EXOC1: variants seen among roughly 807,000 people sequenced by gnomAD.
EXOC1 encodes the protein SEC3-like 1.
In EXOC1, 67 loss-of-function variants were observed where a neutral mutation model predicts 107.7. That is an observed-to-expected ratio of 0.62 (90% CI 0.51 to 0.76). The LOEUF (loss-of-function observed/expected upper bound fraction) is 0.76, where lower values mean the gene tolerates loss of function less well. Ranked by LOEUF, EXOC1 falls within the 30% of genes least tolerant of loss-of-function variation. The pLI, the probability that EXOC1 is intolerant of heterozygous loss-of-function variation, is 0.00. For missense variants in EXOC1, 833 were observed against 1,055.7 expected (o/e 0.79, Z 2.92); for synonymous variants, 348 against 353.5 (o/e 0.98, Z 0.17).
At position 55,868,027 on chromosome 4, in the gene EXOC1, T is replaced by C. The variant is rs562291646; in HGVS notation, c.416-309T>C. 1.3e-4 allele frequency among the ~76,000 whole-genome samples: 20 copies of C among 152,320 alleles called. No homozygotes were observed. The South Asian group carries it at 3.9e-3, about 30-fold the overall frequency. Reference sequence around the variant, plus strand: ...ATGTTTAGGTTTGTTCCCACCTGTTTTTGTATTTTGTTTTTACATTTTAGC... The same window carrying C: ...ATGTTTAGGTTTGTTCCCACCTGTTCTTGTATTTTGTTTTTACATTTTAGC... On this transcript the variant is annotated intron_variant, in intron 4 of 18. Transcript: ENST00000381295.
At chr4:55,903,624 TA>T (rs145088532) in intron 18 of EXOC1, among the ~76,000 whole-genome samples, 6,119 of 152,278 alleles carry the variant, frequency 0.04, 179 homozygotes, top group Admixed American at 0.084. Flanking sequence ...ATGATCATAA[TA>T]CCCACCCTCA....
At chr4:55,869,223 A>T (rs1722219517) in intron 5 of EXOC1, among the ~76,000 whole-genome samples, 1 of 151,932 alleles carries the variant, frequency 6.6e-6, no homozygotes, top group Non-Finnish European at 1.5e-5. Context: ...AAAATTAGCC[A>T]GACATGGTGG....
rs536967858 is a variant in EXOC1, at chr4:55,894,204, A to G, written c.1953+424A>G. ...GCCGGGCGTGGTAGCACATGCCTATAATTCCAACTACTCGGGAGGCTGAGG... is the reference window on the plus strand; with the variant it reads ...GCCGGGCGTGGTAGCACATGCCTATGATTCCAACTACTCGGGAGGCTGAGG... On this transcript the variant is annotated intron_variant, in intron 15 of 18. Transcript: ENST00000381295. 3.6e-3 allele frequency among the ~76,000 whole-genome samples: 552 copies of G among 152,172 alleles called. 6 individuals are homozygous for G. The highest frequency in any genetic ancestry group is 0.013 in the African/African-American group (536 of 41,512).
intron 16 of EXOC1, among the ~76,000 whole-genome samples, chr4:55,898,196 G>A (rs539741923): frequency 1.2e-4 from 18 of 152,290 alleles, no homozygotes; most frequent in Non-Finnish European, 1.8e-4. Context: ...GGTCAAGGCT[G>A]CAGTGAGCCT....
At chr4:55,860,645 G>C in intron 3 of EXOC1, 104 bp downstream of exon 3, 3 of 1,359,724 alleles carry the variant, frequency 2.2e-6, no homozygotes, top group Non-Finnish European at 3.0e-6. Flanking sequence ...TAATATATAT[G>C]TTTGTTTTCT....
intron 2 of EXOC1, among the ~76,000 whole-genome samples, chr4:55,858,762 T>TG (rs1166508926): frequency 6.6e-6 from 1 of 152,224 alleles, no homozygotes; most frequent in East Asian, 1.9e-4. Context: ...ATTTTTCTGT[T>TG]GTGTTGCTTG....
intron 4 of EXOC1, among the ~76,000 whole-genome samples, chr4:55,865,864 CAA>C (rs1260995093): frequency 2.6e-5 from 4 of 150,978 alleles, no homozygotes; most frequent in South Asian, 2.1e-4. Context: ...GGCCATAAAA[CAA>C]GAGTATAGAC....
In EXOC1 at chr4:55,860,556, G is replaced by A; in HGVS notation, c.255+15G>A. The A allele has an allele frequency of 6.2e-7, 1 of 1,613,158 alleles. No individual in the cohort carries two copies. The highest frequency in any genetic ancestry group is 1.7e-5 in the Admixed American group (1 of 59,990). On this transcript the variant is annotated intron_variant, in intron 3 of 18. Transcript: ENST00000381295. ...ATGCTATCAAAGTAGGTTTTTCTCA[G>A]TTCTTTGACCTGTGTTCAGAAAGCA... is the stretch of plus-strand genomic sequence containing the variant.
rs775368450 is a variant in EXOC1, at chr4:55,890,260, T to C, written c.1413T>C (p.Thr471=). The change falls in exon 12 of 19, where the codon ACT becomes ACC. Residue 471 remains threonine, a synonymous_variant. Coordinates refer to ENST00000381295, the MANE Select transcript of EXOC1 (RefSeq NM_001024924.2). ...HGSSGKLTGS[T]SSLNKLSVQS... ...GTTCGGGGAAATTAACTGGATCTAC[T>C]TCTAGTCTAAATAAGCTCAGTGTTC... 1 of 1,614,044 alleles carries C rather than the reference T, an allele frequency of 6.2e-7. No homozygotes were observed.
At chr4:55,898,817 A>G (rs1292256322) in intron 16 of EXOC1, among the ~76,000 whole-genome samples, 1 of 152,178 alleles carries the variant, frequency 6.6e-6, no homozygotes, top group East Asian at 1.9e-4. Context: ...ATAGTCATCC[A>G]TATGTCATTA....
Position 55,892,804 on chromosome 4 carries a change from A to G in EXOC1, c.1724+93A>G, listed in dbSNP as rs564328403. 137 of 1,155,878 alleles carry G rather than the reference A, an allele frequency of 1.2e-4. 1 individual carries two copies. The Middle Eastern group carries it at 1.6e-3, about 14-fold the overall frequency. The allele number at this position is 1,155,878 out of a possible 1,614,324, so 71.6% of individuals were successfully genotyped here. On this transcript the variant is annotated intron_variant, in intron 14 of 18. Transcript: ENST00000381295. ...TTGAGGGGTCTAGATGTTTCTCAGT[A>G]GCCTGACAGCACTCACAGTACCAGC...
chr4:55,870,925 AC>A lies in EXOC1; in HGVS notation c.831+22del. 1 of 1,585,262 alleles carries A rather than the reference AC, an allele frequency of 6.3e-7. No individual in the cohort carries two copies. The highest frequency in any genetic ancestry group is 8.6e-7 in the Non-Finnish European group (1 of 1,166,808). Reference sequence around the variant, plus strand: ...CTTGTGGTAAGTATGATCATAAATTACCAACAAAAAAAAACTAGTGATGATA... The same window carrying A: ...CTTGTGGTAAGTATGATCATAAATTACAACAAAAAAAAACTAGTGATGATA... On this transcript the variant is annotated intron_variant, in intron 6 of 18. Transcript: ENST00000381295.
chr4:55,862,726 G>A (rs1007137602), intron 3 of EXOC1, among the ~76,000 whole-genome samples: 1 of 152,164 alleles, frequency 6.6e-6, no homozygotes, highest in Admixed American at 6.5e-5. Flanking sequence ...GTTCTTCACA[G>A]TGAAAGTCTG....
At chr4:55,877,141 CG>C (rs1560343273) in intron 8 of EXOC1, 1 of 977,486 alleles carries the variant, frequency 1.0e-6, no homozygotes, top group East Asian at 1.1e-4. Context: ...AAATTCAGGA[CG>C]CTTATTTAGC....
intron 15 of EXOC1, among the ~76,000 whole-genome samples, chr4:55,894,499 A>G (rs1028930592): frequency 2.6e-5 from 4 of 151,846 alleles, no homozygotes; most frequent in Admixed American, 2.6e-4. Flanking sequence ...ATTTATTTTA[A>G]TAGTTTAGTA....
chr4:55,857,202 A>G lies in EXOC1; in HGVS notation c.-10-1112A>G, dbSNP rs1170804200. Among the ~76,000 whole-genome samples, 136 of 77,584 alleles carry G rather than the reference A, an allele frequency of 1.8e-3. 1 individual carries two copies. Among genetic ancestry groups the G allele is most frequent in the African/African-American group, 6.2e-3 (119 of 19,266 alleles). The allele number at this position is 77,584 out of a possible 152,430, so 50.9% of individuals were successfully genotyped here. ...TTTTTTTTTTTTTTTTTTTGGAGACAGAGTCTGGCTCTGTCTCCCAGGCTG... is the reference window on the plus strand; with the variant it reads ...TTTTTTTTTTTTTTTTTTTGGAGACGGAGTCTGGCTCTGTCTCCCAGGCTG... On this transcript the variant is annotated intron_variant, in intron 1 of 18. Coordinates refer to ENST00000381295, the MANE Select transcript of EXOC1 (RefSeq NM_001024924.2).
intron 16 of EXOC1, among the ~76,000 whole-genome samples, chr4:55,897,762 G>A (rs766803523): frequency 1.2e-4 from 18 of 152,008 alleles, no homozygotes; most frequent in Non-Finnish European, 2.2e-4. Flanking sequence ...ATTATAGGCA[G>A]GCATCATCAC....
chr4:55,899,342 A>C (rs955200121), intron 16 of EXOC1, among the ~76,000 whole-genome samples: 1 of 152,124 alleles, frequency 6.6e-6, no homozygotes, highest in Non-Finnish European at 1.5e-5. Context: ...TTAGCAATTT[A>C]GAATTTGACT....
At chr4:55,889,814 A>C (rs553373509) in intron 11 of EXOC1, among the ~76,000 whole-genome samples, 1 of 152,224 alleles carries the variant, frequency 6.6e-6, no homozygotes, top group African/African-American at 2.4e-5. Context: ...TCTGAAGTAT[A>C]ACAAAGTCAT....
Sources: gnomAD v4.1 joint callset for allele counts (sites outside exome capture counted in the v4.1 genomes callset) on GRCh38, gnomAD v4.1.1 for gene constraint, MANE v1.5 for transcripts, NCBI Gene and HGNC (gene_info 2026-07-23, HGNC 2026-07-21) for gene names.